Variants in PALM2AKAP2 observed in about 807,000 individuals in gnomAD.
PALM2AKAP2 encodes PALM2 and AKAP2 fusion.
PALM2AKAP2 carries 37 observed loss-of-function variants against 71.5 expected under a neutral mutation model. The observed-to-expected ratio is 0.52, with a 90% CI of 0.40 to 0.68. The LOEUF (loss-of-function observed/expected upper bound fraction) is 0.68, where lower values mean the gene tolerates loss of function less well. Among genes scored for constraint, PALM2AKAP2 ranks in the 30% least tolerant of loss-of-function variants. The pLI is 0.00. For missense variants in PALM2AKAP2, 1,224 were observed against 1,191.8 expected, an observed-to-expected ratio of 1.03 and a Z score of -0.40; for synonymous variants, 468 against 478.8, an observed-to-expected ratio of 0.98 and a Z score of 0.29.
intron 1 of PALM2AKAP2, among the ~76,000 whole-genome samples, chr9:109,735,052 A>G (rs1393470848): frequency 6.6e-6 from 1 of 151,880 alleles, no homozygotes; most frequent in Non-Finnish European, 1.5e-5. Context: ...GAGAAATAAT[A>G]GCAACTCCAA....
chr9:110,108,784 TTA>T (rs1392970897), intron 1 of PALM2AKAP2, among the ~76,000 whole-genome samples: 1 of 152,180 alleles, frequency 6.6e-6, no homozygotes, highest in Non-Finnish European at 1.5e-5. Context: ...AAAATTTAAG[TTA>T]TATATTGCAC....
chr9:109,989,453 C>G (rs1250922600), intron 6 of PALM2AKAP2, among the ~76,000 whole-genome samples: 3 of 152,192 alleles, frequency 2.0e-5, no homozygotes, highest in Admixed American at 6.5e-5. Flanking sequence ...GATGGTAAGT[C>G]CTGTTTCATG....
At chr9:110,046,924 G>T (rs536997847), upstream of PALM2AKAP2, among the ~76,000 whole-genome samples, 3 of 151,154 alleles carry the variant, frequency 2.0e-5, no homozygotes, top group Admixed American at 2.0e-4. Flanking sequence ...TCCTTAGAGA[G>T]TCTATGGTCC....
At chr9:110,085,774 T>C (rs1834557914) in intron 1 of PALM2AKAP2, among the ~76,000 whole-genome samples, 1 of 152,148 alleles carries the variant, frequency 6.6e-6, no homozygotes, top group African/African-American at 2.4e-5. Flanking sequence ...CAAGATAGCC[T>C]AAACATCATA....
At chr9:110,146,153 C>T (rs1169192328) in intron 2 of PALM2AKAP2, among the ~76,000 whole-genome samples, 2 of 152,098 alleles carry the variant, frequency 1.3e-5, no homozygotes, top group African/African-American at 4.8e-5. Flanking sequence ...CTGCCTCGGC[C>T]TCCCAAAGTG....
rs945679709 is a variant in PALM2AKAP2 at position 110,136,755 on chromosome 9, T to G, written c.785T>G (p.Leu262Arg). 1.9e-6 allele frequency: 3 copies of G among 1,614,044 alleles called. No individual in the cohort carries two copies. In the Admixed American group the frequency reaches 5.0e-5, roughly 27 times the overall value. The change falls in exon 2 of 4, where the codon CTG (leucine) becomes CGG (arginine). Residue 262 changes from leucine to arginine, a missense_variant. Leu to Arg is a moderately radical substitution (Grantham distance 102). Transcript: ENST00000374525. ...GATGGAGAGTTCACTCTCACCACAC[T>G]GAAAAAGGAGGCCAAGTTTGAGCTG...
chr9:110,047,286 C>G (rs2132485324), upstream of PALM2AKAP2, among the ~76,000 whole-genome samples: 1 of 152,232 alleles, frequency 6.6e-6, no homozygotes, highest in South Asian at 2.1e-4. Flanking sequence ...AGCTGATGTC[C>G]CATTGTAGAC....
rs572501904 is a variant in PALM2AKAP2 at position 109,810,754 on chromosome 9, A to G, written c.45+30221A>G. Among the ~76,000 whole-genome samples, 29 of 152,320 alleles carry G rather than the reference A, an allele frequency of 1.9e-4. 1 individual carries two copies. The highest frequency in any genetic ancestry group is 6.3e-4 in the African/African-American group (26 of 41,570). On this transcript the variant is annotated intron_variant, in intron 1 of 9. Transcript: ENST00000302798. ...GCAGAGAATGATCTAGAGCCTGAGA[A>G]ACATTGATGAGGGAGGAGAGAGATG...
Position 109,917,092 on chromosome 9 carries a change from G to A in PALM2AKAP2, c.258-6643G>A, listed in dbSNP as rs186547322. On this transcript the variant is annotated intron_variant, in intron 3 of 9. Transcript: ENST00000302798. The stretch of plus-strand genomic sequence containing the variant: ...TATAACCACAAGATCCTTAAATGTG[G>A]AAGAGGGAGGCAGAAATCAGAAGGA... 3.0e-4 allele frequency among the ~76,000 whole-genome samples: 45 copies of A among 152,326 alleles called. No individual in the cohort carries two copies. In the East Asian group the frequency reaches 8.7e-3, roughly 29 times the overall value.
intron 5 of PALM2AKAP2, among the ~76,000 whole-genome samples, chr9:109,926,185 A>G (rs1366905088): frequency 2.6e-5 from 4 of 152,204 alleles, no homozygotes; most frequent in African/African-American, 7.2e-5. Context: ...AAGGTTTAAA[A>G]ATGTGTTTCT....
intron 1 of PALM2AKAP2, among the ~76,000 whole-genome samples, chr9:109,765,854 G>A (rs560776637): frequency 3.0e-4 from 46 of 152,184 alleles, no homozygotes; most frequent in Non-Finnish European, 5.4e-4. Flanking sequence ...GGTTTTAGGG[G>A]ATGAGTAAAA....
intron 1 of PALM2AKAP2, among the ~76,000 whole-genome samples, chr9:109,769,585 A>T (rs1190981778): frequency 6.6e-6 from 1 of 152,230 alleles, no homozygotes. Flanking sequence ...AACTGGAAGT[A>T]AAATGACTTC....
chr9:110,037,464 C>T (rs1833433542), intron 7 of PALM2AKAP2, among the ~76,000 whole-genome samples: 2 of 152,202 alleles, frequency 1.3e-5, no homozygotes, highest in African/African-American at 4.8e-5. Context: ...CCTTGGCCTA[C>T]CAAAGTGCTG....
Position 109,770,264 on chromosome 9 carries a change from A to AT in PALM2AKAP2, c.6-10213dup, listed in dbSNP as rs997078893. ...TCTGATATTCTAAGACCCAGAGCAG[A>AT]TTTTTTTTTTTAACCAGGAGTCCAT... On this transcript the variant is annotated intron_variant, in intron 1 of 6. Transcript: ENST00000374531. 2.3e-3 allele frequency among the ~76,000 whole-genome samples: 352 copies of AT among 149,814 alleles called. 4 individuals are homozygous for AT. Among genetic ancestry groups the AT allele is most frequent in the African/African-American group, 7.2e-3 (297 of 41,056 alleles).
At chr9:109,982,061 C>T (rs1305388195) in intron 6 of PALM2AKAP2, among the ~76,000 whole-genome samples, 2 of 152,128 alleles carry the variant, frequency 1.3e-5, no homozygotes, top group Non-Finnish European at 2.9e-5. Flanking sequence ...TGTCCATCAA[C>T]AGATGAATGG....
intron 1 of PALM2AKAP2, among the ~76,000 whole-genome samples, chr9:109,754,504 A>C (rs1442204063): frequency 1.3e-5 from 2 of 152,126 alleles, no homozygotes; most frequent in African/African-American, 2.4e-5. Context: ...GATCTCTAGA[A>C]CTTATTTATC....
chr9:109,799,459 CT>C, intron 1 of PALM2AKAP2, among the ~76,000 whole-genome samples: 1 of 152,170 alleles, frequency 6.6e-6, no homozygotes, highest in Non-Finnish European at 1.5e-5. Context: ...TTCTCAGTGG[CT>C]TTCCATTATT....
chr9:109,754,574 A>G (rs1012057541), intron 1 of PALM2AKAP2, among the ~76,000 whole-genome samples: 2 of 148,916 alleles, frequency 1.3e-5, no homozygotes, highest in Admixed American at 6.7e-5. Context: ...GGCTGCTACA[A>G]CAAATTGCTA....
intron 7 of PALM2AKAP2, chr9:110,024,818 G>GT: frequency 2.8e-5 from 19 of 674,898 alleles, no homozygotes; most frequent in Non-Finnish European, 3.6e-5. Context: ...AGTGTCTTGG[G>GT]TTTTTTGTTT....
Sources: gnomAD v4.1 joint callset for allele counts (sites outside exome capture counted in the v4.1 genomes callset) on GRCh38, gnomAD v4.1.1 for gene constraint, MANE v1.5 for transcripts, NCBI Gene and HGNC (gene_info 2026-07-23, HGNC 2026-07-21) for gene names.